TAS2R1: variants seen among roughly 807,000 people sequenced by gnomAD.
TAS2R1 encodes the protein taste 2 receptor member 1.
For missense variants in TAS2R1, 370 were observed against 353.4 expected (o/e 1.05, Z -0.38); for synonymous variants, 141 against 134.2 (o/e 1.05, Z -0.35).
intron 1 of TAS2R1, among the ~76,000 whole-genome samples, chr5:9,698,708 C>T (rs1401199732): frequency 2.0e-5 from 3 of 152,098 alleles, no homozygotes; most frequent in Non-Finnish European, 4.4e-5. Context: ...TCTATAAAGG[C>T]AGAGTGTCCT....
At chr5:9,635,152 T>C (rs1739940783), upstream of TAS2R1, among the ~76,000 whole-genome samples, 1 of 152,116 alleles carries the variant, frequency 6.6e-6, no homozygotes. Context: ...GTTTTAATCA[T>C]AAAGGGATGC....
At chr5:9,669,273 A>G (rs1275838088) in intron 1 of TAS2R1, among the ~76,000 whole-genome samples, 1 of 152,220 alleles carries the variant, frequency 6.6e-6, no homozygotes, top group East Asian at 1.9e-4. Flanking sequence ...AAGTTCTTAG[A>G]CACCGACAAA....
chr5:9,884,814 G>C, the TAS2R1 span, among the ~76,000 whole-genome samples: 1 of 152,144 alleles, frequency 6.6e-6, no homozygotes, highest in Non-Finnish European at 1.5e-5. Context: ...CTAGGAACTA[G>C]CTGTTTGTCC....
chr5:9,847,277 G>A, the TAS2R1 span, among the ~76,000 whole-genome samples: 1 of 152,186 alleles, frequency 6.6e-6, no homozygotes, highest in Non-Finnish European at 1.5e-5. Flanking sequence ...TCCTATGCCT[G>A]ATCTTACATA....
the TAS2R1 span, among the ~76,000 whole-genome samples, chr5:9,753,277 A>G: frequency 6.6e-6 from 1 of 152,116 alleles, no homozygotes; most frequent in Non-Finnish European, 1.5e-5. Flanking sequence ...TGTGGTTTTG[A>G]TTTGCATTTC....
the TAS2R1 span, among the ~76,000 whole-genome samples, chr5:9,806,056 A>T: frequency 6.6e-6 from 1 of 152,166 alleles, no homozygotes; most frequent in Non-Finnish European, 1.5e-5. Context: ...AAGTTGCAAG[A>T]TACAAAATTA....
rs757057177 is a variant in TAS2R1 at position 9,629,847 on chromosome 5, G to T, written c.186C>A (p.Ile62=). ...AVSRIFLQLF[I]FYVNVIVIFF... ...AGATAACAATCACATTAACGTAGAA[G>T]ATGAACAACTGCAGAAAAATTCTAG... is the stretch of plus-strand genomic sequence containing the variant. Residue 62 remains isoleucine, a synonymous_variant, in exon 1 of 1, where the codon ATC becomes ATA. Coordinates refer to ENST00000382492, the MANE Select transcript of TAS2R1 (RefSeq NM_019599.3). 8.7e-6 allele frequency: 14 copies of T among 1,613,570 alleles called. No homozygotes were observed. The highest frequency in any genetic ancestry group is 1.2e-5 in the Non-Finnish European group (14 of 1,179,916).
chr5:9,727,654 A>G, the TAS2R1 span, among the ~76,000 whole-genome samples: 4 of 152,244 alleles, frequency 2.6e-5, no homozygotes, highest in South Asian at 6.2e-4. Context: ...TGTCCAACCC[A>G]CACCAAGCCT....
At chr5:9,718,142 T>G in the TAS2R1 span, among the ~76,000 whole-genome samples, 7 of 149,820 alleles carry the variant, frequency 4.7e-5, no homozygotes, top group East Asian at 1.9e-4. Flanking sequence ...TTTTTTTTTT[T>G]GTATTTTTAG....
the TAS2R1 span, among the ~76,000 whole-genome samples, chr5:9,891,968 T>A: frequency 6.6e-6 from 1 of 152,154 alleles, no homozygotes; most frequent in South Asian, 2.1e-4. Context: ...CCCCATGGGC[T>A]GGCCCAAGCC....
At chr5:9,787,725 A>T in the TAS2R1 span, among the ~76,000 whole-genome samples, 3 of 152,234 alleles carry the variant, frequency 2.0e-5, no homozygotes, top group Non-Finnish European at 4.4e-5. Context: ...CTTTGCAAGA[A>T]ACACTGTCAG....
chr5:9,838,256 C>T, the TAS2R1 span, among the ~76,000 whole-genome samples: 9,100 of 152,132 alleles, frequency 0.06, 638 homozygotes, highest in East Asian at 0.23. Flanking sequence ...TGCTGTGGTG[C>T]GCCCCGTCTC....
intron 1 of TAS2R1, among the ~76,000 whole-genome samples, chr5:9,711,977 GTT>G (rs60664247): frequency 4.8e-5 from 5 of 104,866 alleles, no homozygotes; most frequent in Non-Finnish European, 5.4e-5. Flanking sequence ...TATGTTCAAC[GTT>G]TTTTTTTTTT....
At chr5:9,693,553 G>C (rs1423818906) in intron 1 of TAS2R1, among the ~76,000 whole-genome samples, 9 of 136,760 alleles carry the variant, frequency 6.6e-5, no homozygotes, top group Non-Finnish European at 1.1e-4. Flanking sequence ...AAAAAAGAGA[G>C]AGAAAAAGAA....
At chr5:9,679,647 C>A (rs1460241089) in intron 1 of TAS2R1, among the ~76,000 whole-genome samples, 1 of 152,068 alleles carries the variant, frequency 6.6e-6, no homozygotes, top group Non-Finnish European at 1.5e-5. Flanking sequence ...ATGGTGGAAT[C>A]CAGGTTTCTC....
chr5:9,871,632 CCA>C, the TAS2R1 span, among the ~76,000 whole-genome samples: 1 of 152,142 alleles, frequency 6.6e-6, no homozygotes, highest in Non-Finnish European at 1.5e-5. Context: ...GAATTTTACC[CCA>C]GATTTTTCTC....
the TAS2R1 span, among the ~76,000 whole-genome samples, chr5:9,800,844 T>A: frequency 6.6e-6 from 1 of 152,174 alleles, no homozygotes; most frequent in African/African-American, 2.4e-5. Flanking sequence ...GGGAGATAAT[T>A]ACATTTAAAT....
the TAS2R1 span, among the ~76,000 whole-genome samples, chr5:9,767,268 T>A: frequency 6.6e-6 from 1 of 151,954 alleles, no homozygotes; most frequent in African/African-American, 2.4e-5. Context: ...CATTTCTCTC[T>A]CTACGTCGGT....
chr5:9,884,308 A>G, the TAS2R1 span, among the ~76,000 whole-genome samples: 1 of 151,788 alleles, frequency 6.6e-6, no homozygotes, highest in African/African-American at 2.4e-5. Context: ...CCCTGTCTCT[A>G]CTAAAAACAC....
Sources: allele counts gnomAD v4.1 joint callset (sites outside exome capture counted in the v4.1 genomes callset), GRCh38; gene constraint gnomAD v4.1.1; transcripts MANE v1.5; gene names NCBI Gene and HGNC (gene_info 2026-07-23, HGNC 2026-07-21).